TSPAN9: variants seen among roughly 807,000 people sequenced by gnomAD.
TSPAN9 encodes tetraspanin 9, also known as tetraspanin-9.
Under a neutral mutation model 31.0 loss-of-function variants are expected in TSPAN9, and 16 were observed. The ratio of observed to expected loss-of-function variants is 0.52; its 90% CI spans 0.35 to 0.78. The LOEUF is 0.78. Ranked by LOEUF, TSPAN9 falls within the 30% of genes least tolerant of loss-of-function variation. The pLI is 0.01. For synonymous variants in TSPAN9, 145 were observed against 121.6 expected, an observed-to-expected ratio of 1.19 and a Z score of -1.27; for missense variants, 272 against 312.5, an observed-to-expected ratio of 0.87 and a Z score of 0.98.
At chr12:3,164,458 T>G (rs796807117) in intron 2 of TSPAN9, among the ~76,000 whole-genome samples, 2 of 152,330 alleles carry the variant, frequency 1.3e-5, no homozygotes, top group South Asian at 4.1e-4. Context: ...TTTTTCTGGA[T>G]TTTGCTTCCA....
chr12:3,108,360 C>G (rs112257512), intron 2 of TSPAN9, among the ~76,000 whole-genome samples: 108 of 152,338 alleles, frequency 7.1e-4, no homozygotes, highest in African/African-American at 2.3e-3. Flanking sequence ...AGCCCCCCGT[C>G]CTGTGCAAAG....
intron 3 of TSPAN9, among the ~76,000 whole-genome samples, chr12:3,263,877 G>C (rs991420277): frequency 6.6e-6 from 1 of 152,206 alleles, no homozygotes; most frequent in African/African-American, 2.4e-5. Flanking sequence ...CGAGAACAGT[G>C]CAAAGGGAAG....
chr12:3,134,116 A>G (rs1314270706), intron 2 of TSPAN9, among the ~76,000 whole-genome samples: 6 of 152,112 alleles, frequency 3.9e-5, no homozygotes, highest in Non-Finnish European at 8.8e-5. Flanking sequence ...TCAGCTCAGC[A>G]TGGATGCTTG....
rs138033745 is a variant in TSPAN9, at chr12:3,206,839, T to C, written c.63+5583T>C. Among the ~76,000 whole-genome samples, 30 of 152,158 alleles carry C rather than the reference T, an allele frequency of 2.0e-4. No individual in the cohort carries two copies. The East Asian group carries it at 5.0e-3, about 25-fold the overall frequency. On this transcript the variant is annotated intron_variant, in intron 3 of 8. Transcript: ENST00000011898. ...AATACTGCGTATTAGAGACAAGATA[T>C]AGAGATAACAGAGTAGAGCAAGTGA...
intron 2 of TSPAN9, among the ~76,000 whole-genome samples, chr12:3,085,848 G>T (rs764369193): frequency 3.9e-5 from 6 of 152,202 alleles, no homozygotes; most frequent in Non-Finnish European, 5.9e-5. Flanking sequence ...GGATGGAGGA[G>T]GAAAGAGTGA....
rs940037591 is a variant in TSPAN9, at chr12:3,172,292, G to A, written c.-17-28885G>A. ...GATGCAGATTGGTCCTGGTGCAGGC[G>A]GCCCTCTCTGTCTTGCGGCCCTCTG... On this transcript the variant is annotated intron_variant, in intron 2 of 8. Transcript: ENST00000011898. This position sits in a 1 kb window ranked among gnomAD's most constrained non-coding sequence, Gnocchi z 4.8. 45 of 152,404 alleles carry A rather than the reference G, an allele frequency of 3.0e-4. No homozygotes were observed. Among genetic ancestry groups the A allele is most frequent in the African/African-American group, 1.1e-3 (44 of 41,560 alleles). 9.4% of individuals were successfully genotyped at this position (152,404 alleles called of 1,614,324 possible).
intron 2 of TSPAN9, among the ~76,000 whole-genome samples, chr12:3,118,274 T>TTTTTTTTTTTTTTTTTTTTC: frequency 8.2e-6 from 1 of 121,562 alleles, no homozygotes; most frequent in Non-Finnish European, 1.7e-5. Flanking sequence ...TTTTTTTTTT[T>TTTTTTTTTTTTTTTTTTTTC]TTTTTTGAGA....
At chr12:3,119,109 C>T (rs1017019159) in intron 2 of TSPAN9, among the ~76,000 whole-genome samples, 3 of 152,184 alleles carry the variant, frequency 2.0e-5, no homozygotes, top group African/African-American at 7.2e-5. Flanking sequence ...AGTCAGTCCA[C>T]AAATGGGTAT....
chr12:3,169,349 T>C (rs1258301304), intron 2 of TSPAN9, among the ~76,000 whole-genome samples: 1 of 152,228 alleles, frequency 6.6e-6, no homozygotes, highest in Non-Finnish European at 1.5e-5. Flanking sequence ...AGGGAGTTCA[T>C]GTGATCTGGT....
At position 3,168,675 on chromosome 12, in the gene TSPAN9, A is replaced by G. The variant is rs1367858281; in HGVS notation, c.-17-32502A>G. Among the ~76,000 whole-genome samples, 1 of 152,160 alleles carries G rather than the reference A, an allele frequency of 6.6e-6. No individual in the cohort carries two copies. Among genetic ancestry groups the G allele is most frequent in the East Asian group, 1.9e-4 (1 of 5,198 alleles). On this transcript the variant is annotated intron_variant, in intron 2 of 8. Coordinates refer to ENST00000011898, the MANE Select transcript of TSPAN9 (RefSeq NM_006675.5). This position sits in a 1 kb window ranked among gnomAD's most constrained non-coding sequence, Gnocchi z 4.0. ...CTCAAGAGCAGTTACAGGCATTGGG[A>G]AAAAATTGAGCTCTGGATGGAGAGG...
At chr12:3,101,929 A>G (rs2098312018) in intron 2 of TSPAN9, among the ~76,000 whole-genome samples, 1 of 152,112 alleles carries the variant, frequency 6.6e-6, no homozygotes, top group Admixed American at 6.5e-5. Context: ...TGATCTGTTC[A>G]TCCGCTCCTT....
At chr12:3,189,894 G>C (rs181169059) in intron 2 of TSPAN9, among the ~76,000 whole-genome samples, 1 of 152,114 alleles carries the variant, frequency 6.6e-6, no homozygotes, top group Non-Finnish European at 1.5e-5. Context: ...AATGCACTGC[G>C]GGCCTTCGAG....
chr12:3,128,029 G>A (rs1005292347), intron 2 of TSPAN9, among the ~76,000 whole-genome samples: 20 of 152,212 alleles, frequency 1.3e-4, no homozygotes, highest in African/African-American at 4.3e-4. Context: ...CACCTATGAT[G>A]TCACTGGGCG....
rs761277020 is a variant in TSPAN9, at chr12:3,095,503, A to AC, written c.-18+11793dup. On this transcript the variant is annotated intron_variant, in intron 2 of 8. Transcript: ENST00000011898. ...GGGCGGCTGGCCGGGCGGGGGACTG[A>AC]CCCCCCCCCACCTCCCTCCCGGACG... Among the ~76,000 whole-genome samples, 71 of 76,178 alleles carry AC rather than the reference A, an allele frequency of 9.3e-4. 2 individuals are homozygous for AC. The highest frequency in any genetic ancestry group is 1.4e-3 in the South Asian group (3 of 2,182). 50.0% of individuals were successfully genotyped at this position (76,178 alleles called of 152,430 possible).
intron 2 of TSPAN9, among the ~76,000 whole-genome samples, chr12:3,189,193 C>T (rs1241633000): frequency 3.3e-5 from 5 of 152,126 alleles, no homozygotes; most frequent in Non-Finnish European, 2.9e-5. Context: ...CTTGAAACAT[C>T]TCCTCAAGGC....
chr12:3,164,623 C>T (rs1181777408), intron 2 of TSPAN9, among the ~76,000 whole-genome samples: 1 of 152,228 alleles, frequency 6.6e-6, no homozygotes, highest in Non-Finnish European at 1.5e-5. Flanking sequence ...CTTGCGGTGA[C>T]TCCTGGGAGC....
At chr12:3,092,909 G>T (rs539189572) in intron 2 of TSPAN9, among the ~76,000 whole-genome samples, 1 of 152,310 alleles carries the variant, frequency 6.6e-6, no homozygotes, top group South Asian at 2.1e-4. Flanking sequence ...GAGTAGGCAG[G>T]CCTCCCTGCC....
chr12:3,281,451 G>A lies in TSPAN9; in HGVS notation c.564+122G>A, dbSNP rs1032880440. 17 of 1,364,932 alleles carry A rather than the reference G, an allele frequency of 1.2e-5. No homozygotes were observed. The Admixed American group carries it at 4.4e-4, about 35-fold the overall frequency. The allele number at this position is 1,364,932 out of a possible 1,614,324, so 84.6% of individuals were successfully genotyped here. The stretch of plus-strand genomic sequence containing the variant: ...AGGTTGGCTGAATGTGGCGGTGGGG[G>A]GCTCACAAAAATAAAGCCAAAAGAC... On this transcript the variant is annotated intron_variant, in intron 7 of 8. Transcript: ENST00000011898.
At chr12:3,124,570 G>A (rs189587355) in intron 2 of TSPAN9, among the ~76,000 whole-genome samples, 8 of 151,884 alleles carry the variant, frequency 5.3e-5, no homozygotes, top group East Asian at 1.9e-4. Flanking sequence ...ACCAACACGC[G>A]TGGCTAATTT....
Sources: gnomAD v4.1 joint callset for allele counts (sites outside exome capture counted in the v4.1 genomes callset) on GRCh38, gnomAD v4.1.1 for gene constraint, Gnocchi (gnomAD v3.1) non-coding constraint, MANE v1.5 for transcripts, NCBI Gene and HGNC (gene_info 2026-07-23, HGNC 2026-07-21) for gene names.